Variants in BBS9 observed in about 807,000 individuals in gnomAD.
The protein encoded by BBS9 is Bardet-Biedl syndrome 9.
Under a neutral mutation model 117.7 loss-of-function variants are expected in BBS9, and 89 were observed. That is an observed-to-expected ratio of 0.76 (90% CI 0.64 to 0.90). The LOEUF is 0.90. Among genes scored for constraint, BBS9 ranks in the 40% least tolerant of loss-of-function variants. BBS9 has a pLI of 0.00. For missense variants in BBS9, 982 were observed against 1,042.2 expected, an observed-to-expected ratio of 0.94 and a Z score of 0.80; for synonymous variants, 379 against 370.9, an observed-to-expected ratio of 1.02 and a Z score of -0.25.
At position 33,349,086 on chromosome 7, in the gene BBS9, G is replaced by T. The variant is rs772105704; in HGVS notation, c.1348G>T (p.Val450Leu). ...VTVKVTLQNR[V>L]ILQKAKLSVY... is the part of the protein sequence containing the mutation. ...TCCTTAGGTCACACTGCAGAACAGA[G>T]TGATATTGCAAAAAGCCAAATTATC... Residue 450 changes from valine (V) to leucine (L), a missense_variant, in exon 13 of 23, where the codon GTG (valine) becomes TTG (leucine). Coordinates refer to ENST00000242067, the MANE Select transcript of BBS9 (RefSeq NM_198428.3). 1.9e-6 allele frequency: 3 copies of T among 1,609,626 alleles called. No individual in the cohort carries two copies.
At chr7:33,285,750 A>G (rs1802762786) in intron 9 of BBS9, among the ~76,000 whole-genome samples, 1 of 152,138 alleles carries the variant, frequency 6.6e-6, no homozygotes, top group African/African-American at 2.4e-5. Context: ...TATTTTGATA[A>G]GTGTTTTATT....
At chr7:33,240,401 G>A (rs1398102342) in intron 5 of BBS9, among the ~76,000 whole-genome samples, 1 of 151,968 alleles carries the variant, frequency 6.6e-6, no homozygotes, top group Non-Finnish European at 1.5e-5. Flanking sequence ...GGGACAACAG[G>A]CAGGCGCCAC....
intron 19 of BBS9, among the ~76,000 whole-genome samples, chr7:33,452,000 A>G (rs1327389082): frequency 6.6e-6 from 1 of 151,782 alleles, no homozygotes; most frequent in East Asian, 1.9e-4. Flanking sequence ...TGCCCAGCTA[A>G]TTTTTGTATT....
At position 33,232,997 on chromosome 7, in the gene BBS9, G is replaced by A. The variant is rs531304017; in HGVS notation, c.443-24239G>A. On this transcript the variant is annotated intron_variant, in intron 5 of 22. Coordinates refer to ENST00000242067, the MANE Select transcript of BBS9 (RefSeq NM_198428.3). ...AACCCATAATTCTATTACAATTGTT[G>A]AGTTTTGTAACAAGAAGCATTTGTT... Among the ~76,000 whole-genome samples the A allele has an allele frequency of 1.4e-4, 21 of 152,216 alleles. No individual in the cohort carries two copies. In the South Asian group the frequency reaches 3.5e-3, roughly 26 times the overall value.
At chr7:33,264,404 T>C in intron 7 of BBS9, 30 bp downstream of exon 7, 1 of 1,281,898 alleles carries the variant, frequency 7.8e-7, no homozygotes, top group South Asian at 1.4e-5. Context: ...TATAAAAATT[T>C]CAATAATGCT....
At position 33,367,620 on chromosome 7, in the gene BBS9, T is replaced by C. The variant is rs528076960; in HGVS notation, c.1694-147T>C. 144 of 707,602 alleles carry C rather than the reference T, an allele frequency of 2.0e-4. No homozygotes were observed. In the African/African-American group the frequency reaches 2.3e-3, roughly 11 times the overall value. 43.8% of individuals were successfully genotyped at this position (707,602 alleles called of 1,614,324 possible). A position where few individuals can be genotyped will look rare whatever the true frequency, so the allele number is the denominator to read the frequency against. ...CATTAATTGGAAGCTACTATGGAAA[T>C]CAAGGTGAATATATTATAGCTCACA... On this transcript the variant is annotated intron_variant, in intron 16 of 22. Transcript: ENST00000242067.
At chr7:33,402,836 T>A (rs1178334978) in intron 19 of BBS9, among the ~76,000 whole-genome samples, 1 of 151,676 alleles carries the variant, frequency 6.6e-6, no homozygotes, top group Non-Finnish European at 1.5e-5. Context: ...TTTCAACTCT[T>A]ACCTCTCTTC....
chr7:33,524,514 T>C (rs1849162910), intron 20 of BBS9, among the ~76,000 whole-genome samples: 1 of 152,228 alleles, frequency 6.6e-6, no homozygotes, highest in Admixed American at 6.5e-5. Context: ...CCATTTCTTC[T>C]AGATTTTCTA....
intron 21 of BBS9, among the ~76,000 whole-genome samples, chr7:33,569,135 A>G (rs2129134411): frequency 6.6e-6 from 1 of 152,270 alleles, no homozygotes; most frequent in East Asian, 1.9e-4. Context: ...TTGATAACAT[A>G]TTTACACTGA....
intron 4 of BBS9, among the ~76,000 whole-genome samples, chr7:33,162,152 G>A (rs1172334608): frequency 6.6e-6 from 1 of 152,040 alleles, no homozygotes; most frequent in Admixed American, 6.6e-5. Context: ...ATATTGCCTA[G>A]GTTTTCTTCT....
At chr7:33,442,917 C>T (rs771063941) in intron 19 of BBS9, among the ~76,000 whole-genome samples, 1 of 152,092 alleles carries the variant, frequency 6.6e-6, no homozygotes, top group Admixed American at 6.5e-5. Flanking sequence ...TTAGAAATAG[C>T]TTTGAAAACT....
At chr7:33,173,022 A>G (rs1317384181) in intron 4 of BBS9, among the ~76,000 whole-genome samples, 2 of 152,220 alleles carry the variant, frequency 1.3e-5, no homozygotes, top group Non-Finnish European at 2.9e-5. Context: ...GTTTCAAGAT[A>G]GCCAATGAAA....
intron 21 of BBS9, among the ~76,000 whole-genome samples, chr7:33,633,144 G>A (rs958315956): frequency 6.6e-6 from 1 of 152,132 alleles, no homozygotes; most frequent in Admixed American, 6.5e-5. Flanking sequence ...TTGTGTGCCC[G>A]AAGCATTGTC....
rs1345569116 is a variant in BBS9 at position 33,326,793 on chromosome 7, G to A, written c.1017-9648G>A. On this transcript the variant is annotated intron_variant, in intron 9 of 22. Transcript: ENST00000242067. The stretch of plus-strand genomic sequence containing the variant: ...AATGTCATCTAGGAGCTAGGGCTTG[G>A]AATGGGTACCCGAGGTCTCTGCTCA... Among the ~76,000 whole-genome samples, 3 of 152,042 alleles carry A rather than the reference G, an allele frequency of 2.0e-5. No individual in the cohort carries two copies. The East Asian group carries it at 5.8e-4, about 30-fold the overall frequency.
At chr7:33,154,717 C>A (rs1396758610) in intron 3 of BBS9, among the ~76,000 whole-genome samples, 1 of 152,186 alleles carries the variant, frequency 6.6e-6, no homozygotes, top group African/African-American at 2.4e-5. Flanking sequence ...CCACCGCCCC[C>A]TCCCACCTCA....
intron 21 of BBS9, among the ~76,000 whole-genome samples, chr7:33,583,578 G>A (rs1367773788): frequency 6.6e-6 from 1 of 152,080 alleles, no homozygotes; most frequent in Non-Finnish European, 1.5e-5. Context: ...CCTCAGCATA[G>A]GAGAGTCTGG....
chr7:33,477,765 A>T (rs1243901302), intron 19 of BBS9, among the ~76,000 whole-genome samples: 1 of 152,224 alleles, frequency 6.6e-6, no homozygotes, highest in African/African-American at 2.4e-5. Context: ...TAGGCATTTA[A>T]TCATGGAATA....
chr7:33,302,340 G>T (rs1806650891), intron 9 of BBS9, among the ~76,000 whole-genome samples: 1 of 152,112 alleles, frequency 6.6e-6, no homozygotes, highest in Admixed American at 6.5e-5. Context: ...TATTACTCAA[G>T]AAATCTTTGA....
chr7:33,318,573 AT>A (rs1811021997), intron 9 of BBS9, among the ~76,000 whole-genome samples: 1 of 152,144 alleles, frequency 6.6e-6, no homozygotes, highest in Admixed American at 6.5e-5. Flanking sequence ...AAAAATTATT[AT>A]TTTTTAAAAA....
Sources: gnomAD v4.1 joint callset for allele counts (sites outside exome capture counted in the v4.1 genomes callset) on GRCh38, gnomAD v4.1.1 for gene constraint, MANE v1.5 for transcripts, NCBI Gene and HGNC (gene_info 2026-07-23, HGNC 2026-07-21) for gene names.